The following SAMD5 variants were observed in gnomAD, a reference collection of about 807,000 sequenced individuals.
The protein encoded by SAMD5 is sterile alpha motif domain containing 5, also known as sterile alpha motif domain-containing protein 5.
Under a neutral mutation model 11.3 loss-of-function variants are expected in SAMD5, and 13 were observed. The ratio of observed to expected loss-of-function variants is 1.15; its 90% confidence interval spans 0.75 to 1.83. The LOEUF (loss-of-function observed/expected upper bound fraction) is 1.83. Among genes scored for constraint, SAMD5 ranks in the 40% most tolerant of loss-of-function variants. The probability of loss-of-function intolerance (pLI) is 0.00; values close to 1 mark genes in which losing one functional copy is unlikely to be tolerated. For synonymous variants in SAMD5, 129 were observed against 111.3 expected, an observed-to-expected ratio of 1.16 and a Z score of -1.00; for missense variants, 255 against 239.1, an observed-to-expected ratio of 1.07 and a Z score of -0.44.
intron 1 of SAMD5, chr6:147,660,873 A>G (rs1486380501): frequency 2.0e-5 from 3 of 152,276 alleles, no homozygotes; most frequent in Admixed American, 6.5e-5. Context: ...AGATAGTTCT[A>G]TATAGCAGTG....
At chr6:147,525,962 C>A (rs562216563) in intron 1 of SAMD5, among the ~76,000 whole-genome samples, 19 of 152,266 alleles carry the variant, frequency 1.2e-4, no homozygotes, top group African/African-American at 4.1e-4. Flanking sequence ...ATAGGCCCAG[C>A]CTGTTGGCCA....
chr6:147,626,695 T>C (rs1790055092), intron 1 of SAMD5, among the ~76,000 whole-genome samples: 1 of 148,988 alleles, frequency 6.7e-6, no homozygotes, highest in Admixed American at 6.8e-5. Context: ...GGCTCTTCTC[T>C]GTAATCTCAG....
At chr6:147,833,369 A>C in the SAMD5 span, among the ~76,000 whole-genome samples, 3 of 152,342 alleles carry the variant, frequency 2.0e-5, no homozygotes, top group East Asian at 5.8e-4. Flanking sequence ...AAAAGAAATC[A>C]TGGATTTGGA....
the SAMD5 span, among the ~76,000 whole-genome samples, chr6:147,874,864 C>G: frequency 1.3e-5 from 2 of 152,062 alleles, no homozygotes; most frequent in Admixed American, 6.5e-5. Context: ...CAAATTACGT[C>G]TGTGGGATTC....
At chr6:147,943,089 G>A in the SAMD5 span, among the ~76,000 whole-genome samples, 1 of 152,068 alleles carries the variant, frequency 6.6e-6, no homozygotes, top group Non-Finnish European at 1.5e-5. Flanking sequence ...CCAAAGTGCT[G>A]GGATTACAGG....
the SAMD5 span, among the ~76,000 whole-genome samples, chr6:147,854,283 G>A: frequency 8.5e-5 from 13 of 152,300 alleles, no homozygotes; most frequent in East Asian, 2.3e-3. Flanking sequence ...AGTGACCAGA[G>A]GAAACGAGAA....
intron 1 of SAMD5, among the ~76,000 whole-genome samples, chr6:147,522,266 A>G (rs985810474): frequency 1.3e-5 from 2 of 152,092 alleles, no homozygotes; most frequent in African/African-American, 4.8e-5. Flanking sequence ...TAATTTTCCC[A>G]ATTTAAATGG....
At chr6:147,866,196 G>A in the SAMD5 span, among the ~76,000 whole-genome samples, 1 of 151,900 alleles carries the variant, frequency 6.6e-6, no homozygotes, top group Non-Finnish European at 1.5e-5. Flanking sequence ...CATACACATA[G>A]ACACATTTAT....
chr6:147,837,325 G>A, the SAMD5 span, among the ~76,000 whole-genome samples: 2 of 152,114 alleles, frequency 1.3e-5, no homozygotes, highest in Non-Finnish European at 2.9e-5. Flanking sequence ...AACCAATCAC[G>A]AAAGTCCCAT....
chr6:147,719,082 C>G (rs898642678), intron 1 of SAMD5, among the ~76,000 whole-genome samples: 2 of 152,194 alleles, frequency 1.3e-5, no homozygotes, highest in African/African-American at 4.8e-5. Flanking sequence ...TATGGTGGAT[C>G]CCACGCTGCT....
the SAMD5 span, among the ~76,000 whole-genome samples, chr6:147,769,930 G>A: frequency 0.59 from 89,841 of 152,034 alleles, 26,751 homozygotes; most frequent in Middle Eastern, 0.71. Flanking sequence ...ATCCAGTGGC[G>A]CTTGAGGAAC....
the SAMD5 span, among the ~76,000 whole-genome samples, chr6:147,794,445 G>A: frequency 6.6e-6 from 1 of 151,978 alleles, no homozygotes; most frequent in African/African-American, 2.4e-5. Flanking sequence ...CTCACTTAAA[G>A]TACAGTATTG....
the SAMD5 span, among the ~76,000 whole-genome samples, chr6:147,889,932 T>C: frequency 3.3e-5 from 5 of 152,204 alleles, no homozygotes; most frequent in East Asian, 1.9e-4. Context: ...CCCTTTGGCA[T>C]TGGTGTCCCT....
intron 1 of SAMD5, among the ~76,000 whole-genome samples, chr6:147,624,747 T>A (rs895416782): frequency 1.3e-5 from 2 of 152,028 alleles, no homozygotes; most frequent in African/African-American, 4.8e-5. Flanking sequence ...GGGTGAGGGA[T>A]AAAAGACTAC....
chr6:147,779,114 T>C, the SAMD5 span, among the ~76,000 whole-genome samples: 1 of 152,182 alleles, frequency 6.6e-6, no homozygotes, highest in African/African-American at 2.4e-5. Context: ...GCAAACTTCT[T>C]AATAAGTTAG....
At chr6:147,526,096 G>C (rs1359080255) in intron 1 of SAMD5, among the ~76,000 whole-genome samples, 1 of 152,154 alleles carries the variant, frequency 6.6e-6, no homozygotes, top group Non-Finnish European at 1.5e-5. Flanking sequence ...GCTAGGACAT[G>C]ATGAACTGGG....
At chr6:147,550,134 T>A (rs1788746401) in intron 1 of SAMD5, among the ~76,000 whole-genome samples, 1 of 151,942 alleles carries the variant, frequency 6.6e-6, no homozygotes, top group African/African-American at 2.4e-5. Context: ...TTTGAGCTAC[T>A]TGGGAGGCTG....
At chr6:147,642,697 G>T (rs2128452509) in intron 1 of SAMD5, among the ~76,000 whole-genome samples, 1 of 152,220 alleles carries the variant, frequency 6.6e-6, no homozygotes, top group South Asian at 2.1e-4. Flanking sequence ...CATATAAACT[G>T]ACTTTTTGTT....
chr6:147,902,466 T>C, the SAMD5 span, among the ~76,000 whole-genome samples: 1 of 152,160 alleles, frequency 6.6e-6, no homozygotes. Flanking sequence ...TAACCTTATT[T>C]AACCTAGTAT....
Sources: allele counts gnomAD v4.1 joint callset (sites outside exome capture counted in the v4.1 genomes callset), GRCh38; gene constraint gnomAD v4.1.1; transcripts MANE v1.5; gene names NCBI Gene and HGNC (gene_info 2026-07-23, HGNC 2026-07-21).